SPOCK1: variants seen among roughly 807,000 people sequenced by gnomAD.
SPOCK1 encodes testican-1.
In SPOCK1, 23 loss-of-function variants were observed where a neutral mutation model predicts 55.3. The observed-to-expected ratio is 0.42, with a 90% CI of 0.30 to 0.59. SPOCK1 has a LOEUF of 0.59. Ranked by LOEUF, SPOCK1 falls within the 20% of genes least tolerant of loss-of-function variation. The pLI is 0.22. For synonymous variants in SPOCK1, 226 were observed against 221.0 expected (o/e 1.02, Z -0.20); for missense variants, 499 against 552.5 (o/e 0.90, Z 0.97).
intron 2 of SPOCK1, among the ~76,000 whole-genome samples, chr5:137,411,695 G>A (rs1277300970): frequency 6.6e-6 from 1 of 152,148 alleles, no homozygotes; most frequent in Non-Finnish European, 1.5e-5. Context: ...GTAAAATGGG[G>A]TTAACAACTT....
At chr5:137,130,977 C>CAAGCAAAAGT (rs1304052144) in intron 4 of SPOCK1, among the ~76,000 whole-genome samples, 2 of 152,226 alleles carry the variant, frequency 1.3e-5, no homozygotes, top group African/African-American at 4.8e-5. Context: ...TGAGAACACT[C>CAAGCAAAAGT]TATTTAAAGC....
intron 2 of SPOCK1, among the ~76,000 whole-genome samples, chr5:137,446,531 A>G (rs1036125117): frequency 1.2e-4 from 18 of 152,208 alleles, no homozygotes; most frequent in African/African-American, 3.6e-4. Flanking sequence ...AGGAATTCCC[A>G]TAGGAGGAAG....
chr5:137,496,529 G>A (rs1163474356), intron 2 of SPOCK1, among the ~76,000 whole-genome samples: 1 of 152,206 alleles, frequency 6.6e-6, no homozygotes, highest in African/African-American at 2.4e-5. Context: ...TATCTCCAGA[G>A]GTGGCCCTTC....
intron 2 of SPOCK1, among the ~76,000 whole-genome samples, chr5:137,415,811 A>C (rs1440718226): frequency 6.6e-6 from 1 of 152,206 alleles, no homozygotes; most frequent in Non-Finnish European, 1.5e-5. Context: ...ACTTAATTGA[A>C]TGAAAATACA....
intron 2 of SPOCK1, among the ~76,000 whole-genome samples, chr5:137,461,320 C>G (rs1753484780): frequency 6.6e-6 from 1 of 152,190 alleles, no homozygotes; most frequent in South Asian, 2.1e-4. Flanking sequence ...TACAGAGTTT[C>G]TAGTTTCTTT....
intron 5 of SPOCK1, among the ~76,000 whole-genome samples, chr5:137,104,950 T>C (rs546068816): frequency 6.6e-6 from 1 of 152,198 alleles, no homozygotes; most frequent in Non-Finnish European, 1.5e-5. Context: ...GGAAAAAATG[T>C]CTTCCACAAA....
intron 6 of SPOCK1, among the ~76,000 whole-genome samples, chr5:137,014,324 A>T (rs1357943407): frequency 6.6e-6 from 1 of 152,168 alleles, no homozygotes; most frequent in Non-Finnish European, 1.5e-5. Flanking sequence ...GAGCCAACTC[A>T]ACCTCTTTCC....
chr5:137,240,509 C>A (rs1477312754), intron 3 of SPOCK1, among the ~76,000 whole-genome samples: 1 of 152,136 alleles, frequency 6.6e-6, no homozygotes, highest in Non-Finnish European at 1.5e-5. Context: ...GGGCTACACC[C>A]CAGTGATCCC....
intron 2 of SPOCK1, among the ~76,000 whole-genome samples, chr5:137,406,004 T>C (rs1393587569): frequency 6.6e-6 from 1 of 152,158 alleles, no homozygotes; most frequent in Non-Finnish European, 1.5e-5. Context: ...CTGTCACACC[T>C]TGATTCAGAG....
intron 6 of SPOCK1, among the ~76,000 whole-genome samples, chr5:137,065,215 G>A (rs1169735848): frequency 3.5e-5 from 4 of 115,198 alleles, no homozygotes; most frequent in South Asian, 3.3e-4. Context: ...GTGACAGAGC[G>A]AGATTTCATC....
intron 5 of SPOCK1, among the ~76,000 whole-genome samples, chr5:137,079,424 T>TCTCA (rs10633434): frequency 0.95 from 143,823 of 151,960 alleles, 68,591 homozygotes; most frequent in East Asian, 1. Flanking sequence ...TGAAGTCATC[T>TCTCA]CTATCCATCT....
At chr5:137,080,818 G>A (rs917802823) in intron 5 of SPOCK1, among the ~76,000 whole-genome samples, 1 of 152,306 alleles carries the variant, frequency 6.6e-6, no homozygotes, top group African/African-American at 2.4e-5. Flanking sequence ...GTATCAGAGA[G>A]AGCACTTCAC....
chr5:137,247,756 C>T (rs1179145590), intron 3 of SPOCK1, among the ~76,000 whole-genome samples: 1 of 152,176 alleles, frequency 6.6e-6, no homozygotes, highest in African/African-American at 2.4e-5. Flanking sequence ...CATGACATGG[C>T]AGAGGGGGTC....
intron 4 of SPOCK1, among the ~76,000 whole-genome samples, chr5:137,137,357 G>A (rs1365741282): frequency 6.6e-6 from 1 of 152,192 alleles, no homozygotes; most frequent in East Asian, 1.9e-4. Flanking sequence ...TCCCTGGTCA[G>A]AGGGGACTCC....
chr5:137,063,313 G>C (rs1170124014), intron 6 of SPOCK1, among the ~76,000 whole-genome samples: 1 of 151,022 alleles, frequency 6.6e-6, no homozygotes, highest in African/African-American at 2.4e-5. Context: ...ATCTCTTCAG[G>C]TTCCACCATC....
Position 136,977,593 on chromosome 5 carries a change from G to C in SPOCK1, c.*1061C>G. 1 of 390,176 alleles carries C rather than the reference G, an allele frequency of 2.6e-6. No individual in the cohort carries two copies. Among genetic ancestry groups the C allele is most frequent in the Non-Finnish European group, 4.5e-6 (1 of 221,330 alleles). The allele number at this position is 390,176 out of a possible 1,614,324, so 24.2% of individuals were successfully genotyped here. On this transcript the variant is annotated 3_prime_UTR_variant, in exon 11 of 11. Transcript: ENST00000394945. ...TGCATGCCTTAGAAAAAGCCCTTGA[G>C]TAGGTAAGGAAGGAAGAAACCTATG...
intron 3 of SPOCK1, among the ~76,000 whole-genome samples, chr5:137,184,784 C>G (rs1245260501): frequency 6.6e-6 from 1 of 152,104 alleles, no homozygotes; most frequent in Non-Finnish European, 1.5e-5. Flanking sequence ...CTCCTGTTCC[C>G]CACCCTCAAT....
At chr5:137,322,957 T>C (rs1021162439) in intron 2 of SPOCK1, among the ~76,000 whole-genome samples, 6 of 152,110 alleles carry the variant, frequency 3.9e-5, no homozygotes, top group Non-Finnish European at 7.4e-5. Flanking sequence ...AATCACATGG[T>C]AGAAGAGCAA....
chr5:137,453,946 C>T (rs1469181739), intron 2 of SPOCK1, among the ~76,000 whole-genome samples: 1 of 151,978 alleles, frequency 6.6e-6, no homozygotes, highest in East Asian at 1.9e-4. Flanking sequence ...GCTGTTTGTG[C>T]ATGGATAAAT....
Sources: allele counts gnomAD v4.1 joint callset (sites outside exome capture counted in the v4.1 genomes callset), GRCh38; gene constraint gnomAD v4.1.1; transcripts MANE v1.5; gene names NCBI Gene and HGNC (gene_info 2026-07-23, HGNC 2026-07-21).